The following PTCHD4 variants were observed in gnomAD, a reference collection of about 807,000 sequenced individuals.
PTCHD4 encodes patched domain containing 4.
Under a neutral mutation model 58.1 loss-of-function variants are expected in PTCHD4, and 33 were observed. The observed-to-expected ratio is 0.57, with a 90% CI of 0.43 to 0.76. The LOEUF (loss-of-function observed/expected upper bound fraction) is 0.76, where lower values mean the gene tolerates loss of function less well. PTCHD4 is among the 30% of genes least tolerant of loss of function. The probability of loss-of-function intolerance (pLI) is 0.00; values close to 1 mark genes in which losing one functional copy is unlikely to be tolerated. For synonymous variants in PTCHD4, 478 were observed against 409.6 expected, an observed-to-expected ratio of 1.17 and a Z score of -2.02; for missense variants, 1,058 against 1,027.1, an observed-to-expected ratio of 1.03 and a Z score of -0.41.
chr6:48,025,426 C>G (rs1763209763), intron 3 of PTCHD4, among the ~76,000 whole-genome samples: 1 of 152,160 alleles, frequency 6.6e-6, no homozygotes, highest in African/African-American at 2.4e-5. Context: ...GTCCATTGTT[C>G]TTAAAAACAT....
At chr6:48,048,807 C>G (rs1764129290) in intron 3 of PTCHD4, among the ~76,000 whole-genome samples, 1 of 151,986 alleles carries the variant, frequency 6.6e-6, no homozygotes, top group Non-Finnish European at 1.5e-5. Context: ...ACAACTTTCA[C>G]AAGTGAACAA....
chr6:48,087,520 C>A (rs1189701770), intron 1 of PTCHD4, among the ~76,000 whole-genome samples: 1 of 152,146 alleles, frequency 6.6e-6, no homozygotes, highest in Non-Finnish European at 1.5e-5. Context: ...TACTAAGAGA[C>A]AGGACCCTTG....
Position 47,879,342 on chromosome 6 carries a change from C to T in PTCHD4, c.1493G>A (p.Ser498Asn). The T allele has an allele frequency of 6.2e-7, 1 of 1,613,394 alleles. No homozygotes were observed. The highest frequency in any genetic ancestry group is 8.5e-7 in the Non-Finnish European group (1 of 1,179,646). The change falls in exon 5 of 5, where the codon AGT becomes AAT. Residue 498 changes from serine (S) to asparagine (N), a missense_variant. Transcript: ENST00000339488. ...CTGCTGAACCATGGCATAGGAAACA[C>T]TTGGCGAATCACTGGCTAGTAGATT... ...IINLLASDSP[S>N]VSYAMVQQKY...
chr6:48,086,380 T>TTTATAAATAAA (rs1765264646), intron 1 of PTCHD4, among the ~76,000 whole-genome samples: 1 of 152,078 alleles, frequency 6.6e-6, no homozygotes, highest in Non-Finnish European at 1.5e-5. Flanking sequence ...CAGGCAGCAG[T>TTTATAAATAAA]CTGAATCTGG....
At chr6:47,899,539 A>G in intron 4 of PTCHD4, 1 of 969,338 alleles carries the variant, frequency 1.0e-6, no homozygotes, top group East Asian at 1.1e-4. Flanking sequence ...TGCTGAAATA[A>G]CTTTGCATGT....
chr6:47,882,431 T>C (rs955029595), intron 4 of PTCHD4, among the ~76,000 whole-genome samples: 5 of 151,950 alleles, frequency 3.3e-5, no homozygotes, highest in African/African-American at 1.2e-4. Context: ...GGAGATGGCG[T>C]GTTTTATCCC....
At chr6:47,981,515 T>C (rs1259204553) in intron 4 of PTCHD4, among the ~76,000 whole-genome samples, 3 of 152,188 alleles carry the variant, frequency 2.0e-5, no homozygotes, top group Non-Finnish European at 4.4e-5. Flanking sequence ...GGAACATGCA[T>C]TGAGATTTTT....
chr6:48,100,462 C>T (rs1307645891), intron 1 of PTCHD4, among the ~76,000 whole-genome samples: 1 of 152,168 alleles, frequency 6.6e-6, no homozygotes, highest in African/African-American at 2.4e-5. Context: ...GCAACAGTAA[C>T]TGTTCTAACG....
intron 1 of PTCHD4, among the ~76,000 whole-genome samples, chr6:48,081,191 A>G (rs985163120): frequency 6.6e-6 from 1 of 152,224 alleles, no homozygotes; most frequent in African/African-American, 2.4e-5. Flanking sequence ...AAAAAATTTG[A>G]GAGCTACTTA....
intron 1 of PTCHD4, among the ~76,000 whole-genome samples, chr6:48,084,052 T>C (rs1030961268): frequency 2.0e-5 from 3 of 151,822 alleles, no homozygotes; most frequent in Non-Finnish European, 4.4e-5. Flanking sequence ...AAAAAAAACC[T>C]CCTATATGGG....
chr6:48,092,726 C>T (rs1169249378), intron 1 of PTCHD4, among the ~76,000 whole-genome samples: 1 of 152,100 alleles, frequency 6.6e-6, no homozygotes, highest in South Asian at 2.1e-4. Flanking sequence ...TAGCATAAAA[C>T]GTCATGGGGA....
chr6:48,095,560 G>A (rs1765450315), intron 1 of PTCHD4, among the ~76,000 whole-genome samples: 1 of 151,838 alleles, frequency 6.6e-6, no homozygotes, highest in Non-Finnish European at 1.5e-5. Flanking sequence ...CGTGGCGGGG[G>A]GTGACTGTAG....
intron 3 of PTCHD4, among the ~76,000 whole-genome samples, chr6:48,018,811 T>C (rs1311373401): frequency 6.6e-6 from 1 of 152,176 alleles, no homozygotes; most frequent in Non-Finnish European, 1.5e-5. Flanking sequence ...AACACTTAGC[T>C]CTGATGTTGA....
intron 4 of PTCHD4, among the ~76,000 whole-genome samples, chr6:48,000,053 G>A (rs906112631): frequency 2.0e-5 from 3 of 152,078 alleles, no homozygotes; most frequent in East Asian, 3.9e-4. Flanking sequence ...GTTACAAATA[G>A]GTATGAATTC....
At chr6:48,070,171 AT>A (rs942209449) in intron 1 of PTCHD4, among the ~76,000 whole-genome samples, 1 of 149,868 alleles carries the variant, frequency 6.7e-6, no homozygotes, top group African/African-American at 2.5e-5. Flanking sequence ...ATATATATGA[AT>A]TTTTTAGGGC....
intron 4 of PTCHD4, among the ~76,000 whole-genome samples, chr6:47,977,999 C>A (rs1382517283): frequency 6.6e-6 from 1 of 152,184 alleles, no homozygotes; most frequent in African/African-American, 2.4e-5. Flanking sequence ...ACCTAGGAAA[C>A]TTCCAACTCT....
In PTCHD4 at chr6:47,907,170, C is replaced by T. The variant is rs537661886; in HGVS notation, c.899-27234G>A. Among the ~76,000 whole-genome samples, 137 of 152,268 alleles carry T rather than the reference C, an allele frequency of 9.0e-4. 1 individual carries two copies. The highest frequency in any genetic ancestry group is 1.4e-3 in the Non-Finnish European group (93 of 68,016). On this transcript the variant is annotated intron_variant, in intron 4 of 4. Coordinates refer to ENST00000339488, the MANE Select transcript of PTCHD4 (RefSeq NM_001384253.1). ...AAGGGGTTTTGGAAATGACTGTACTCGGAACAGAGAAAACTTTTCTCAGTA... is the reference window on the plus strand; with the variant it reads ...AAGGGGTTTTGGAAATGACTGTACTTGGAACAGAGAAAACTTTTCTCAGTA...
At chr6:48,100,143 T>C (rs1439426861) in intron 1 of PTCHD4, among the ~76,000 whole-genome samples, 1 of 152,074 alleles carries the variant, frequency 6.6e-6, no homozygotes, top group Non-Finnish European at 1.5e-5. Flanking sequence ...TGGATGTGAG[T>C]GGATGTGCAT....
At chr6:48,026,281 T>G (rs1763243401) in intron 3 of PTCHD4, among the ~76,000 whole-genome samples, 1 of 152,164 alleles carries the variant, frequency 6.6e-6, no homozygotes, top group African/African-American at 2.4e-5. Flanking sequence ...TTCACTATAT[T>G]TGATACTGGC....
Sources: gnomAD v4.1 joint callset for allele counts (sites outside exome capture counted in the v4.1 genomes callset) on GRCh38, gnomAD v4.1.1 for gene constraint, MANE v1.5 for transcripts, NCBI Gene and HGNC (gene_info 2026-07-23, HGNC 2026-07-21) for gene names.